Variants in KAT6B observed in about 807,000 individuals in gnomAD.
KAT6B encodes the protein histone acetyltransferase KAT6B.
A neutral mutation model predicts 187.5 loss-of-function variants in KAT6B; 10 were observed. The observed-to-expected ratio is 0.05, with a 90% CI of 0.03 to 0.09. KAT6B has a LOEUF of 0.09. Among genes scored for constraint, KAT6B ranks in the 10% least tolerant of loss-of-function variants. The pLI is 1.00. For synonymous variants in KAT6B, 861 were observed against 926.8 expected, an observed-to-expected ratio of 0.93 and a Z score of 1.29; for missense variants, 1,952 against 2,558.9, an observed-to-expected ratio of 0.76 and a Z score of 5.12.
intron 3 of KAT6B, among the ~76,000 whole-genome samples, chr10:74,929,558 A>C (rs1024218233): frequency 1.3e-5 from 2 of 152,234 alleles, no homozygotes; most frequent in Non-Finnish European, 2.9e-5. Context: ...AATTATCTGT[A>C]AAATGGTCAT....
intron 3 of KAT6B, among the ~76,000 whole-genome samples, chr10:74,876,685 G>A (rs758444295): frequency 6.6e-6 from 1 of 151,972 alleles, no homozygotes. Context: ...AGGCCGAGGT[G>A]GTCGGATCAC....
At chr10:74,989,285 G>GC (rs2133864961) in intron 13 of KAT6B, among the ~76,000 whole-genome samples, 173 bp downstream of exon 13, 1 of 152,246 alleles carries the variant, frequency 6.6e-6, no homozygotes, top group South Asian at 2.1e-4. Context: ...AAAATGTACT[G>GC]CTGCTCAGTG....
chr10:75,004,908 T>G (rs1333757482), intron 13 of KAT6B, among the ~76,000 whole-genome samples: 2 of 151,996 alleles, frequency 1.3e-5, no homozygotes, highest in East Asian at 3.9e-4. Flanking sequence ...AGAGACAGGC[T>G]CTTGCTTTGT....
chr10:74,864,922 A>G (rs978949146), intron 3 of KAT6B, among the ~76,000 whole-genome samples: 1 of 152,162 alleles, frequency 6.6e-6, no homozygotes, highest in African/African-American at 2.4e-5. Flanking sequence ...ACGTTTATGT[A>G]TTTCTTGTAA....
At chr10:74,864,117 G>GGAGTGCAGTGGCGCGATCTCAGCC (rs1843383731) in intron 3 of KAT6B, among the ~76,000 whole-genome samples, 1 of 152,146 alleles carries the variant, frequency 6.6e-6, no homozygotes, top group South Asian at 2.1e-4. Context: ...CAGCCAGGCT[G>GGAGTGCAGTGGCGCGATCTCAGCC]GAGTGCAGTG....
chr10:74,927,887 C>T (rs766578853), intron 3 of KAT6B, among the ~76,000 whole-genome samples: 1 of 152,180 alleles, frequency 6.6e-6, no homozygotes, highest in Non-Finnish European at 1.5e-5. Flanking sequence ...CTGCCCTAAA[C>T]TCGCAAGAGA....
chr10:74,928,862 A>G (rs1230653462), intron 3 of KAT6B, among the ~76,000 whole-genome samples: 1 of 152,224 alleles, frequency 6.6e-6, no homozygotes, highest in Non-Finnish European at 1.5e-5. Context: ...TTTGATAAGT[A>G]CAAGATGGTG....
At chr10:75,020,848 A>T (rs1361618455) in intron 14 of KAT6B, 35 bp downstream of exon 14, 3 of 1,568,192 alleles carry the variant, frequency 1.9e-6, no homozygotes, top group Non-Finnish European at 2.6e-6. Context: ...TCCGTGGCTC[A>T]GGCATCCCAC....
chr10:74,951,436 T>G (rs1246907078), intron 3 of KAT6B, among the ~76,000 whole-genome samples: 1 of 89,470 alleles, frequency 1.1e-5, no homozygotes, highest in Non-Finnish European at 1.9e-5. Flanking sequence ...CCAGCGACCC[T>G]TTTTTTTTTT....
intron 3 of KAT6B, among the ~76,000 whole-genome samples, chr10:74,910,189 T>C (rs1474931397): frequency 6.6e-6 from 1 of 151,616 alleles, no homozygotes; most frequent in East Asian, 1.9e-4. Context: ...TCCCAGCTAT[T>C]TGGGAGGCTA....
At chr10:74,962,489 A>G (rs762267181) in intron 4 of KAT6B, among the ~76,000 whole-genome samples, 32 of 152,174 alleles carry the variant, frequency 2.1e-4, no homozygotes, top group East Asian at 3.8e-4. Flanking sequence ...AGAAGAGTCT[A>G]TTGGTTCTGG....
chr10:74,960,088 G>GT lies in KAT6B; in HGVS notation c.730+15dup, dbSNP rs1840993025. The GT allele has an allele frequency of 1.3e-6, 2 of 1,520,166 alleles. No homozygotes were observed. The highest frequency in any genetic ancestry group is 2.7e-5 in the African/African-American group (2 of 72,914). 94.2% of individuals were successfully genotyped at this position (1,520,166 alleles called of 1,614,324 possible). On this transcript the variant is annotated intron_variant, in intron 4 of 17. Transcript: ENST00000287239. ...GATTGTGGCAGTAGTGGTAAGTTGT[G>GT]TTTTTCCTATGTGTTGTACAATGAC... is the stretch of plus-strand genomic sequence containing the variant.
intron 12 of KAT6B, 50 bp downstream of exon 12, chr10:74,985,291 G>T: frequency 6.4e-7 from 1 of 1,569,602 alleles, no homozygotes. Context: ...AAATGTTTTT[G>T]GTAGAGCCCA....
chr10:75,011,814 A>G (rs1373752562), intron 13 of KAT6B, among the ~76,000 whole-genome samples: 1 of 152,218 alleles, frequency 6.6e-6, no homozygotes, highest in Non-Finnish European at 1.5e-5. Flanking sequence ...AATGAAATGA[A>G]ACTCTGTGAA....
intron 13 of KAT6B, among the ~76,000 whole-genome samples, chr10:75,002,053 G>A (rs987135646): frequency 2.6e-5 from 4 of 152,174 alleles, no homozygotes; most frequent in Non-Finnish European, 4.4e-5. Context: ...TGCCTCCCAA[G>A]ACAGGACCTG....
intron 17 of KAT6B, chr10:75,025,497 A>G: frequency 2.3e-6 from 1 of 442,520 alleles, no homozygotes. Context: ...ACTTACCAGA[A>G]ATTGGCTTAT....
intron 3 of KAT6B, among the ~76,000 whole-genome samples, chr10:74,904,847 A>G (rs1328965853): frequency 6.6e-6 from 1 of 152,104 alleles, no homozygotes; most frequent in Non-Finnish European, 1.5e-5. Context: ...ATGAGGAGGA[A>G]TTTCTTCATC....
In KAT6B at chr10:74,933,806, A is replaced by G. The variant is rs572735170; in HGVS notation, c.622-26164A>G. Among the ~76,000 whole-genome samples the G allele has an allele frequency of 5.3e-5, 8 of 152,300 alleles. No homozygotes were observed. In the East Asian group the frequency reaches 1.5e-3, roughly 29 times the overall value. On this transcript the variant is annotated intron_variant, in intron 3 of 17. Transcript: ENST00000287239. ...TTGTCTTTATTCTGGTGACATAGGT[A>G]GACAACTTTGCTGAGAGCACACCTA... is the stretch of plus-strand genomic sequence containing the variant.
chr10:74,830,428 G>C (rs1489920334), intron 1 of KAT6B, among the ~76,000 whole-genome samples: 2 of 151,990 alleles, frequency 1.3e-5, no homozygotes, highest in Admixed American at 6.5e-5. Context: ...TTTATAGCTA[G>C]GGTGACCATT....
Sources: gnomAD v4.1 joint callset for allele counts (sites outside exome capture counted in the v4.1 genomes callset) on GRCh38, gnomAD v4.1.1 for gene constraint, MANE v1.5 for transcripts, NCBI Gene and HGNC (gene_info 2026-07-23, HGNC 2026-07-21) for gene names.